Variants in SLC25A13 observed in about 807,000 individuals in gnomAD.
SLC25A13 encodes solute carrier family 25 member 13, also known as electrogenic aspartate/glutamate antiporter SLC25A13, mitochondrial.
SLC25A13 carries 70 observed loss-of-function variants against 85.5 expected under a neutral mutation model. The ratio of observed to expected loss-of-function variants is 0.82; its 90% CI spans 0.68 to 1.00. The LOEUF (loss-of-function observed/expected upper bound fraction) is 1.00. SLC25A13 is among the 50% of genes least tolerant of loss of function. SLC25A13 has a pLI of 0.00. For missense variants in SLC25A13, 765 were observed against 819.8 expected, an observed-to-expected ratio of 0.93 and a Z score of 0.82; for synonymous variants, 259 against 288.7, an observed-to-expected ratio of 0.90 and a Z score of 1.04.
intron 13 of SLC25A13, among the ~76,000 whole-genome samples, chr7:96,164,382 C>T (rs1793650248): frequency 6.6e-6 from 1 of 152,054 alleles, no homozygotes; most frequent in South Asian, 2.1e-4. Context: ...CCAGCTGAAA[C>T]CATGGGAAAG....
intron 3 of SLC25A13, among the ~76,000 whole-genome samples, chr7:96,237,822 G>A (rs1355306913): frequency 6.6e-6 from 1 of 152,196 alleles, no homozygotes; most frequent in African/African-American, 2.4e-5. Flanking sequence ...TGAGTGGGAT[G>A]ATGATACCAC....
At chr7:96,196,907 G>A (rs1446347264) in intron 5 of SLC25A13, among the ~76,000 whole-genome samples, 2 of 152,152 alleles carry the variant, frequency 1.3e-5, no homozygotes, top group Non-Finnish European at 2.9e-5. Flanking sequence ...CCATGCAATA[G>A]CACTTAGCAA....
At chr7:96,190,907 T>A (rs4487672) in intron 7 of SLC25A13, among the ~76,000 whole-genome samples, 1 of 152,348 alleles carries the variant, frequency 6.6e-6, no homozygotes, top group East Asian at 1.9e-4. Flanking sequence ...GTCACCAAGC[T>A]GGGCCCAGTT....
chr7:96,218,070 A>G (rs1300365703), intron 4 of SLC25A13, among the ~76,000 whole-genome samples: 2 of 152,178 alleles, frequency 1.3e-5, no homozygotes, highest in African/African-American at 4.8e-5. Context: ...TGTTCTAAAC[A>G]TAGTAGGTGA....
At chr7:96,310,379 G>A (rs1035119419) in intron 1 of SLC25A13, among the ~76,000 whole-genome samples, 3 of 152,164 alleles carry the variant, frequency 2.0e-5, no homozygotes, top group South Asian at 2.1e-4. Context: ...GTTTCCTCAC[G>A]ATTAGATCCA....
intron 3 of SLC25A13, among the ~76,000 whole-genome samples, chr7:96,260,960 C>T (rs1797831578): frequency 6.6e-6 from 1 of 152,142 alleles, no homozygotes; most frequent in South Asian, 2.1e-4. Flanking sequence ...ACAACATCTA[C>T]ATAACCTGGC....
At chr7:96,214,086 C>T (rs1795796952) in intron 4 of SLC25A13, among the ~76,000 whole-genome samples, 3 of 152,144 alleles carry the variant, frequency 2.0e-5, no homozygotes, top group Non-Finnish European at 4.4e-5. Context: ...TGGAACCTTG[C>T]TTTCTCCACA....
At chr7:96,192,977 G>GT in intron 6 of SLC25A13, 60 bp downstream of exon 6, 1 of 1,559,900 alleles carries the variant, frequency 6.4e-7, no homozygotes, top group Non-Finnish European at 8.8e-7. Context: ...TATAAGAATT[G>GT]TTTTTATAAT....
At chr7:96,289,001 G>GC (rs1166620242) in intron 2 of SLC25A13, among the ~76,000 whole-genome samples, 1 of 152,082 alleles carries the variant, frequency 6.6e-6, no homozygotes, top group Non-Finnish European at 1.5e-5. Context: ...ACTGGGAGGC[G>GC]CCCCCCAGTA....
At chr7:96,141,968 C>T (rs747940111) in intron 14 of SLC25A13, among the ~76,000 whole-genome samples, 7 of 152,130 alleles carry the variant, frequency 4.6e-5, no homozygotes, top group African/African-American at 7.2e-5. Context: ...GATATATCTT[C>T]AAACTAGAAA....
intron 14 of SLC25A13, among the ~76,000 whole-genome samples, chr7:96,144,800 T>C (rs1227735783): frequency 5.9e-5 from 9 of 152,182 alleles, no homozygotes; most frequent in African/African-American, 7.2e-5. Context: ...ATTGTATCAT[T>C]TGCAGGTAGT....
At chr7:96,130,508 T>C (rs1334502892) in intron 15 of SLC25A13, among the ~76,000 whole-genome samples, 2 of 152,242 alleles carry the variant, frequency 1.3e-5, no homozygotes, top group African/African-American at 2.4e-5. Context: ...AGAAGTGAAG[T>C]AACTTGCCCA....
intron 11 of SLC25A13, among the ~76,000 whole-genome samples, chr7:96,178,099 G>C (rs568732560): frequency 6.6e-6 from 1 of 152,284 alleles, no homozygotes; most frequent in East Asian, 1.9e-4. Flanking sequence ...TACAGATGGT[G>C]AATATTAGAC....
chr7:96,308,154 CAA>C (rs757439839), intron 1 of SLC25A13, among the ~76,000 whole-genome samples: 14 of 81,424 alleles, frequency 1.7e-4, no homozygotes, highest in Non-Finnish European at 1.9e-4. Context: ...ACTCCATCTC[CAA>C]AAAAAAAAAA....
At chr7:96,245,882 T>G (rs1326714137) in intron 3 of SLC25A13, among the ~76,000 whole-genome samples, 1 of 152,232 alleles carries the variant, frequency 6.6e-6, no homozygotes, top group Non-Finnish European at 1.5e-5. Flanking sequence ...AAACCTAGGT[T>G]TCCTAAATCT....
intron 11 of SLC25A13, 111 bp downstream of exon 11, chr7:96,184,166 G>T: frequency 2.2e-6 from 3 of 1,338,070 alleles, no homozygotes; most frequent in Non-Finnish European, 2.1e-6. Flanking sequence ...TTGAAAATCT[G>T]CTGTATTTCC....
intron 9 of SLC25A13, among the ~76,000 whole-genome samples, chr7:96,185,217 A>T (rs1227213857): frequency 6.6e-6 from 1 of 152,226 alleles, no homozygotes; most frequent in Non-Finnish European, 1.5e-5. Context: ...TTTAAAACCA[A>T]ATTTCAATAT....
chr7:96,220,398 T>C (rs1238314226), intron 4 of SLC25A13, among the ~76,000 whole-genome samples: 1 of 152,210 alleles, frequency 6.6e-6, no homozygotes, highest in African/African-American at 2.4e-5. Context: ...TTAAAATGTC[T>C]AAGTATCCAC....
At chr7:96,248,499 T>G (rs1012559541) in intron 3 of SLC25A13, among the ~76,000 whole-genome samples, 1 of 152,180 alleles carries the variant, frequency 6.6e-6, no homozygotes, top group South Asian at 2.1e-4. Context: ...GTGGAATTTT[T>G]TTTCTTTTTC....
Sources: gnomAD v4.1 joint callset for allele counts (sites outside exome capture counted in the v4.1 genomes callset) on GRCh38, gnomAD v4.1.1 for gene constraint, MANE v1.5 for transcripts, NCBI Gene and HGNC (gene_info 2026-07-23, HGNC 2026-07-21) for gene names.